The following ZNF821 variants were observed in gnomAD, a reference collection of about 807,000 sequenced individuals.
ZNF821 encodes zinc finger protein 821.
Under a neutral mutation model 44.3 loss-of-function variants are expected in ZNF821, and 16 were observed. The ratio of observed to expected loss-of-function variants is 0.36; its 90% CI spans 0.24 to 0.55. The LOEUF (loss-of-function observed/expected upper bound fraction) is 0.55, where lower values mean the gene tolerates loss of function less well. Ranked by LOEUF, ZNF821 falls within the 20% of genes least tolerant of loss-of-function variation. The probability of loss-of-function intolerance (pLI) is 0.86; values close to 1 mark genes in which losing one functional copy is unlikely to be tolerated. For missense variants in ZNF821, 436 were observed against 547.6 expected (o/e 0.80, Z 2.03); for synonymous variants, 204 against 197.6 (o/e 1.03, Z -0.27).
At chr16:71,890,090 A>C (rs1383578342) in intron 1 of ZNF821, among the ~76,000 whole-genome samples, 1 of 152,242 alleles carries the variant, frequency 6.6e-6, no homozygotes, top group Non-Finnish European at 1.5e-5. Context: ...AAGATAAGTT[A>C]ATATTTGTAT....
chr16:71,866,013 GA>G (rs919504790), intron 4 of ZNF821, among the ~76,000 whole-genome samples: 2 of 152,148 alleles, frequency 1.3e-5, no homozygotes, highest in African/African-American at 4.8e-5. Context: ...AGTTCTTTCT[GA>G]AAGGGAAAAA....
chr16:71,878,115 T>A (rs964965069), intron 3 of ZNF821, among the ~76,000 whole-genome samples: 1 of 12,988 alleles, frequency 7.7e-5, no homozygotes, highest in Non-Finnish European at 2.1e-4. Context: ...CTATTTGTCT[T>A]TTTTTTTTTT....
intron 3 of ZNF821, 44 bp downstream of exon 3, chr16:71,879,863 C>A (rs769947830): frequency 9.4e-6 from 15 of 1,593,618 alleles, no homozygotes; most frequent in Non-Finnish European, 1.3e-5. Context: ...TCCATTCCAC[C>A]CCTTAGCATT....
At chr16:71,866,877 C>T (rs2034603130) in intron 4 of ZNF821, among the ~76,000 whole-genome samples, 1 of 152,190 alleles carries the variant, frequency 6.6e-6, no homozygotes. Flanking sequence ...TCCATTTTCA[C>T]CCAACCCAGC....
At chr16:71,870,957 G>T (rs1373647256) in intron 3 of ZNF821, among the ~76,000 whole-genome samples, 2 of 152,210 alleles carry the variant, frequency 1.3e-5, no homozygotes, top group Non-Finnish European at 2.9e-5. Context: ...AAACCAGCTA[G>T]ATTTAGAACA....
chr16:71,894,297 G>C (rs1567455619), intron 1 of ZNF821: 1 of 147,926 alleles, frequency 6.8e-6, no homozygotes, highest in Non-Finnish European at 1.5e-5. Context: ...TTTCGCTCTT[G>C]TTGCCCAGGC....
intron 1 of ZNF821, among the ~76,000 whole-genome samples, chr16:71,893,539 A>G (rs1315084995): frequency 6.6e-6 from 1 of 150,976 alleles, no homozygotes; most frequent in Non-Finnish European, 1.5e-5. Context: ...ACATCACTGC[A>G]ACCTCCGCCT....
chr16:71,892,718 C>T (rs2036895678), intron 1 of ZNF821, among the ~76,000 whole-genome samples: 2 of 148,826 alleles, frequency 1.3e-5, no homozygotes, highest in African/African-American at 2.5e-5. Context: ...ATTATAGGCA[C>T]GAGCCACAAA....
upstream of ZNF821, among the ~76,000 whole-genome samples, chr16:71,886,459 T>G (rs199960200): frequency 1.3e-5 from 2 of 152,246 alleles, no homozygotes; most frequent in East Asian, 3.8e-4. Context: ...CATATATATT[T>G]TTTTAGCTTC....
At chr16:71,894,716 T>TTTTTTG (rs2142507074) in intron 1 of ZNF821, 1 of 557,206 alleles carries the variant, frequency 1.8e-6, no homozygotes. Context: ...TTTTTTTTTT[T>TTTTTTG]GTAGCGATGC....
At chr16:71,890,448 A>C (rs2036879056) in intron 1 of ZNF821, 1 of 151,252 alleles carries the variant, frequency 6.6e-6, no homozygotes, top group Admixed American at 6.6e-5. Context: ...GTACAGTGGC[A>C]CAATCTCGGC....
chr16:71,871,677 A>G (rs2035212069), intron 3 of ZNF821, among the ~76,000 whole-genome samples: 1 of 152,162 alleles, frequency 6.6e-6, no homozygotes. Flanking sequence ...CTAGATATTA[A>G]TGTAGGGCAG....
upstream of ZNF821, among the ~76,000 whole-genome samples, chr16:71,887,552 C>T (rs1049406500): frequency 5.9e-5 from 9 of 152,174 alleles, no homozygotes; most frequent in Admixed American, 3.9e-4. Context: ...TGAGCCATCG[C>T]GCGCAGCCCT....
intron 7 of ZNF821, among the ~76,000 whole-genome samples, chr16:71,861,422 G>C (rs1441328400): frequency 6.6e-6 from 1 of 152,164 alleles, no homozygotes; most frequent in Non-Finnish European, 1.5e-5. Context: ...AGACAAACGG[G>C]ACAAGGACAC....
chr16:71,888,065 C>T (rs1049611217), upstream of ZNF821, among the ~76,000 whole-genome samples: 6 of 151,990 alleles, frequency 3.9e-5, no homozygotes, highest in South Asian at 2.1e-4. Context: ...TTTGTAGAGA[C>T]GGGGTCTCAC....
intron 1 of ZNF821, 86 bp from the exon 2 acceptor site, chr16:71,883,359 TA>T (rs2036625554): frequency 5.4e-6 from 2 of 371,206 alleles, no homozygotes; most frequent in Admixed American, 6.9e-5. Flanking sequence ...GGGGCGTGTC[TA>T]ATCAGCCGAG....
chr16:71,872,437 C>T (rs1043022825), intron 3 of ZNF821, among the ~76,000 whole-genome samples: 1 of 151,886 alleles, frequency 6.6e-6, no homozygotes, highest in Non-Finnish European at 1.5e-5. Context: ...CACAGTGAAA[C>T]CCCGTCTCTA....
intron 6 of ZNF821, among the ~76,000 whole-genome samples, chr16:71,862,859 C>G (rs1466912574): frequency 2.0e-5 from 3 of 152,124 alleles, no homozygotes; most frequent in Non-Finnish European, 4.4e-5. Context: ...TTCGGATCCC[C>G]TGGTTCACAC....
chr16:71,887,930 C>T (rs1359480687), upstream of ZNF821, among the ~76,000 whole-genome samples: 1 of 150,868 alleles, frequency 6.6e-6, no homozygotes, highest in Non-Finnish European at 1.5e-5. Context: ...GGTATGATCA[C>T]AGCTCACTGC....
Sources: allele counts gnomAD v4.1 joint callset (sites outside exome capture counted in the v4.1 genomes callset), GRCh38; gene constraint gnomAD v4.1.1; transcripts MANE v1.5; gene names NCBI Gene and HGNC (gene_info 2026-07-23, HGNC 2026-07-21).